Variants in PTPN7 observed in about 807,000 individuals in gnomAD.
PTPN7 encodes the protein protein tyrosine phosphatase non-receptor type 7.
PTPN7 carries 33 observed loss-of-function variants against 50.3 expected under a neutral mutation model. The observed-to-expected ratio is 0.66, with a 90% confidence interval of 0.50 to 0.88. The LOEUF (loss-of-function observed/expected upper bound fraction) is 0.88, where lower values mean the gene tolerates loss of function less well. Among genes scored for constraint, PTPN7 ranks in the 40% least tolerant of loss-of-function variants. PTPN7 has a pLI of 0.00. For missense variants in PTPN7, 412 were observed against 475.4 expected, an observed-to-expected ratio of 0.87 and a Z score of 1.24; for synonymous variants, 185 against 186.6, an observed-to-expected ratio of 0.99 and a Z score of 0.07.
At chr1:202,161,507 G>C (rs1442462567), upstream of PTPN7, 2 of 1,289,694 alleles carry the variant, frequency 1.6e-6, no homozygotes, top group Non-Finnish European at 2.0e-6. Flanking sequence ...TCTGCCCACT[G>C]CCCCTGCCTG....
In PTPN7 at chr1:202,152,974, C is replaced by A. The variant is rs183028373; in HGVS notation, c.718-275G>T. Among the ~76,000 whole-genome samples, 191 of 152,294 alleles carry A rather than the reference C, an allele frequency of 1.3e-3. 1 individual carries two copies. Among genetic ancestry groups the A allele is most frequent in the Non-Finnish European group, 2.0e-3 (138 of 68,026 alleles). On this transcript the variant is annotated intron_variant, in intron 7 of 9. Coordinates refer to ENST00000691036, the MANE Select transcript of PTPN7 (RefSeq NM_002832.4). ...CATGACTTTGGGCAAGTCCCTTGAT[C>A]TCATTTTCTTCACCTGGAAAATGGG...
In PTPN7 at chr1:202,159,824, A is replaced by G. The variant is rs1051130513; in HGVS notation, c.-52-370T>C. ...ATGTGTTCTCTAGGACGGAAGGGAG[A>G]AAGCACGCAGAAGCCATCTCTGAGC... On this transcript the variant is annotated intron_variant, in intron 1 of 9. Transcript: ENST00000691036. This position sits in a 1 kb window ranked among gnomAD's most constrained non-coding sequence, Gnocchi z 4.6. 18 of 1,125,558 alleles carry G rather than the reference A, an allele frequency of 1.6e-5. No individual in the cohort carries two copies. In the African/African-American group the frequency reaches 2.9e-4, roughly 18 times the overall value. 69.7% of individuals were successfully genotyped at this position (1,125,558 alleles called of 1,614,324 possible).
chr1:202,157,598 C>T (rs1261711124), intron 4 of PTPN7, 141 bp downstream of exon 4: 5 of 712,564 alleles, frequency 7.0e-6, no homozygotes, highest in Non-Finnish European at 1.2e-5. Flanking sequence ...ATTCTTGCTC[C>T]TTCTTCCCCC....
In PTPN7 at chr1:202,150,368, A is replaced by G; in HGVS notation, c.932T>C (p.Leu311Pro). ...AATGTCCACTTCTCCTCGGGCTTTC[A>G]GCTGTTGACAGCCAATTCGCGTGGC... ...FIATRIGCQQ[L>P]KARGEVDILG... Residue 311 changes from leucine to proline, a missense_variant, in exon 9 of 10, where the codon CTG (leucine) becomes CCG (proline). Coordinates refer to ENST00000691036, the MANE Select transcript of PTPN7 (RefSeq NM_002832.4). 1 of 1,613,004 alleles carries G rather than the reference A, an allele frequency of 6.2e-7. No homozygotes were observed. Among genetic ancestry groups the G allele is most frequent in the Non-Finnish European group, 8.5e-7 (1 of 1,179,510 alleles).
chr1:202,159,025 A>C lies in PTPN7; in HGVS notation c.122+256T>G. 2.0e-6 allele frequency: 1 copy of C among 499,406 alleles called. No individual in the cohort carries two copies. The highest frequency in any genetic ancestry group is 3.6e-6 in the Non-Finnish European group (1 of 276,178). 30.9% of individuals were successfully genotyped at this position (499,406 alleles called of 1,614,324 possible). A position where few individuals can be genotyped will look rare whatever the true frequency, so the allele number is the denominator to read the frequency against. ...CTCCCAGCCAGGCCCTGTGGCTCCG[A>C]CATGCATCCAGCACCAAGAAGGCTG... On this transcript the variant is annotated intron_variant, in intron 2 of 9. Coordinates refer to ENST00000691036, the MANE Select transcript of PTPN7 (RefSeq NM_002832.4). The surrounding 1 kb of genome is among the most constrained non-coding windows in gnomAD (Gnocchi z 4.6).
Position 202,159,635 on chromosome 1 carries a change from A to G in PTPN7, c.-52-181T>C. The G allele has an allele frequency of 6.8e-7, 1 of 1,464,792 alleles. No homozygotes were observed. Among genetic ancestry groups the G allele is most frequent in the Non-Finnish European group, 9.0e-7 (1 of 1,111,406 alleles). 90.7% of individuals were successfully genotyped at this position (1,464,792 alleles called of 1,614,324 possible). The stretch of plus-strand genomic sequence containing the variant: ...TTTGGTGGGACCCAGGGCAGAAGGC[A>G]GTCTCGGGGTAGAGTAACGGCAAGA... On this transcript the variant is annotated intron_variant, in intron 1 of 9. Coordinates refer to ENST00000691036, the MANE Select transcript of PTPN7 (RefSeq NM_002832.4). This position sits in a 1 kb window ranked among gnomAD's most constrained non-coding sequence, Gnocchi z 4.6.
intron 8 of PTPN7, among the ~76,000 whole-genome samples, chr1:202,152,309 C>T (rs1048131634): frequency 6.6e-6 from 1 of 152,246 alleles, no homozygotes; most frequent in African/African-American, 2.4e-5. Flanking sequence ...TGGGATCTTC[C>T]TGATATTCCA....
chr1:202,155,210 T>C (rs989783576), intron 5 of PTPN7, among the ~76,000 whole-genome samples: 1 of 152,194 alleles, frequency 6.6e-6, no homozygotes, highest in African/African-American at 2.4e-5. Context: ...TCGGGAGCTG[T>C]GAGCTCTTAA....
At position 202,153,709 on chromosome 1, in the gene PTPN7, T is replaced by G; in HGVS notation, c.717+16A>C. The stretch of plus-strand genomic sequence containing the variant: ...GGCCCAACTTCCCACTGGGCCTGGC[T>G]CCGGGGGGGTGGTACCTGGATGGTG... On this transcript the variant is annotated intron_variant, in intron 7 of 9. Transcript: ENST00000691036. 6.2e-7 allele frequency: 1 copy of G among 1,605,572 alleles called. No homozygotes were observed. The highest frequency in any genetic ancestry group is 8.5e-7 in the Non-Finnish European group (1 of 1,172,360).
chr1:202,154,440 G>T (rs1004546305), intron 5 of PTPN7, 117 bp from the exon 6 acceptor site: 3 of 1,225,792 alleles, frequency 2.4e-6, no homozygotes, highest in African/African-American at 1.5e-5. Flanking sequence ...ACGTGTAGAC[G>T]TACACATGCA....
Position 202,148,514 on chromosome 1 carries a change from G to T in PTPN7, c.*92C>A, listed in dbSNP as rs1655564650. ...ACTCCTTCCCCACACCAACCCAAGG[G>T]GTACCCCCAGATCACTCGGCCCACT... On this transcript the variant is annotated 3_prime_UTR_variant, in exon 10 of 10. Transcript: ENST00000691036. The T allele has an allele frequency of 5.1e-6, 6 of 1,176,194 alleles. No individual in the cohort carries two copies. Among genetic ancestry groups the T allele is most frequent in the Middle Eastern group, 2.3e-4 (1 of 4,398 alleles). The allele number at this position is 1,176,194 out of a possible 1,614,324, so 72.9% of individuals were successfully genotyped here.
At chr1:202,152,315 T>G (rs1423530958) in intron 8 of PTPN7, among the ~76,000 whole-genome samples, 3 of 152,254 alleles carry the variant, frequency 2.0e-5, no homozygotes, top group African/African-American at 7.2e-5. Context: ...CTTCCTGATA[T>G]TCCATCCCCT....
In PTPN7 at chr1:202,152,131, A is replaced by G. The variant is rs180953214; in HGVS notation, c.875+411T>C. 3.3e-5 allele frequency among the ~76,000 whole-genome samples: 5 copies of G among 152,210 alleles called. No individual in the cohort carries two copies. The East Asian group carries it at 9.7e-4, about 29-fold the overall frequency. ...TCACCATGTTGGCCAGGCTGGTCTC[A>G]AACTCCTGACCTCAGGTGATCTGCC... On this transcript the variant is annotated intron_variant, in intron 8 of 9. Coordinates refer to ENST00000691036, the MANE Select transcript of PTPN7 (RefSeq NM_002832.4).
chr1:202,148,367 C>A lies in PTPN7; in HGVS notation c.*239G>T. On this transcript the variant is annotated 3_prime_UTR_variant, in exon 10 of 10. Transcript: ENST00000691036. Reference sequence around the variant, plus strand: ...AGTTCAGAGAGACATTGGAGGTTCCCCTTACTGTCCATCTGGGGCCAACAG... The same window carrying A: ...AGTTCAGAGAGACATTGGAGGTTCCACTTACTGTCCATCTGGGGCCAACAG... 2.2e-6 allele frequency: 1 copy of A among 451,002 alleles called. No individual in the cohort carries two copies. Among genetic ancestry groups the A allele is most frequent in the Admixed American group, 3.8e-5 (1 of 26,014 alleles). 27.9% of individuals were successfully genotyped at this position (451,002 alleles called of 1,614,324 possible). A position where few individuals can be genotyped will look rare whatever the true frequency, so the allele number is the denominator to read the frequency against.
chr1:202,150,313 G>A lies in PTPN7; in HGVS notation c.987C>T (p.Asp329=). The part of the protein sequence containing the change: ...ILGIVCQLRL[D]RGGMIQTAEQ... ...CTTGTTTACACCCACAGACCCACCT[G>A]TCTAGCCGCAGTTGGCACACAATAC... Residue 329 remains aspartate, a splice_region_variant and synonymous_variant, in exon 9 of 10, where the codon GAC becomes GAT. Coordinates refer to ENST00000691036, the MANE Select transcript of PTPN7 (RefSeq NM_002832.4). The A allele has an allele frequency of 1.2e-6, 2 of 1,609,358 alleles. No homozygotes were observed. Among genetic ancestry groups the A allele is most frequent in the South Asian group, 2.2e-5 (2 of 90,030 alleles).
At chr1:202,150,272 C>T (rs753516998) in intron 9 of PTPN7, 39 bp downstream of exon 9, 21 of 1,513,486 alleles carry the variant, frequency 1.4e-5, no homozygotes, top group East Asian at 9.3e-5. Context: ...TGATGCCATC[C>T]GTTAACGTTG....
intron 8 of PTPN7, among the ~76,000 whole-genome samples, chr1:202,151,293 G>A (rs1655980367): frequency 6.6e-6 from 1 of 152,174 alleles, no homozygotes; most frequent in East Asian, 1.9e-4. Context: ...GCTCCCAGCA[G>A]TGTATCCATT....
chr1:202,157,651 C>G (rs1193509965), intron 4 of PTPN7, 88 bp downstream of exon 4: 4 of 1,290,906 alleles, frequency 3.1e-6, no homozygotes, highest in Non-Finnish European at 4.4e-6. Context: ...GTTGATCTTC[C>G]CTGGCTGAAA....
chr1:202,152,562 C>T lies in PTPN7; in HGVS notation c.855G>A (p.Gly285=), dbSNP rs775218705. 1 of 1,613,080 alleles carries T rather than the reference C, an allele frequency of 6.2e-7. No individual in the cohort carries two copies. Among genetic ancestry groups the T allele is most frequent in the Admixed American group, 1.7e-5 (1 of 59,996 alleles). Residue 285 remains glycine, a synonymous_variant, in exon 8 of 10, where the codon GGG becomes GGA. Coordinates refer to ENST00000691036, the MANE Select transcript of PTPN7 (RefSeq NM_002832.4). ...CGCACCTGCAGTGGACTACGATAGG[C>T]CCGGGGTGGGCGGCTGTCTCCGGGC... The part of the protein sequence containing the change: ...EESPETAAHP[G]PIVVHCSAGI...
Sources: gnomAD v4.1 joint callset for allele counts (sites outside exome capture counted in the v4.1 genomes callset) on GRCh38, gnomAD v4.1.1 for gene constraint, Gnocchi (gnomAD v3.1) non-coding constraint, MANE v1.5 for transcripts, NCBI Gene and HGNC (gene_info 2026-07-23, HGNC 2026-07-21) for gene names.